The following PRKN variants were observed in gnomAD, a reference collection of about 807,000 sequenced individuals.
PRKN encodes the protein parkin RBR E3 ubiquitin protein ligase.
In PRKN, 56 loss-of-function variants were observed where a neutral mutation model predicts 59.5. The observed-to-expected ratio is 0.94, with a 90% CI of 0.76 to 1.18. The LOEUF (loss-of-function observed/expected upper bound fraction) is 1.18, where lower values mean the gene tolerates loss of function less well. PRKN is among the 50% of genes most tolerant of loss of function. The pLI is 0.00. For synonymous variants in PRKN, 250 were observed against 222.1 expected, an observed-to-expected ratio of 1.13 and a Z score of -1.12; for missense variants, 657 against 596.4, an observed-to-expected ratio of 1.10 and a Z score of -1.06.
At chr6:162,042,744 G>A (rs534805900) in intron 5 of PRKN, among the ~76,000 whole-genome samples, 3 of 152,020 alleles carry the variant, frequency 2.0e-5, no homozygotes, top group African/African-American at 7.3e-5. Context: ...TTCATATATT[G>A]TACATTGTGC....
chr6:162,439,297 T>G (rs961329940), intron 2 of PRKN, among the ~76,000 whole-genome samples: 2 of 151,982 alleles, frequency 1.3e-5, no homozygotes, highest in Admixed American at 6.6e-5. Flanking sequence ...CCTTCCTTCC[T>G]TTCTTCCTTT....
rs548393839 is a variant in PRKN, at chr6:161,374,782, AT to A, written c.1167+12011del. On this transcript the variant is annotated intron_variant, in intron 10 of 11. Coordinates refer to ENST00000366898, the MANE Select transcript of PRKN (RefSeq NM_004562.3). The stretch of plus-strand genomic sequence containing the variant: ...TGTGTAGCTGTGACAATAAGTTTCT[AT>A]AAAAATATTTTCCACATTGCGAACT... 6.6e-5 allele frequency among the ~76,000 whole-genome samples: 8 copies of A among 121,096 alleles called. No homozygotes were observed. The East Asian group carries it at 2.1e-3, about 32-fold the overall frequency. 79.4% of individuals were successfully genotyped at this position (121,096 alleles called of 152,430 possible). A position where few individuals can be genotyped will look rare whatever the true frequency, so the allele number is the denominator to read the frequency against.
At chr6:162,589,880 T>C (rs1781230901) in intron 1 of PRKN, among the ~76,000 whole-genome samples, 1 of 152,208 alleles carries the variant, frequency 6.6e-6, no homozygotes, top group Non-Finnish European at 1.5e-5. Context: ...GTACTTGACA[T>C]TTGTATCTCC....
intron 2 of PRKN, among the ~76,000 whole-genome samples, chr6:162,421,296 C>A (rs1788950453): frequency 6.6e-6 from 1 of 151,936 alleles, no homozygotes; most frequent in African/African-American, 2.4e-5. Context: ...TCACAGCGCC[C>A]TGAAGATCAG....
intron 7 of PRKN, among the ~76,000 whole-genome samples, chr6:161,727,005 C>T (rs61167500): frequency 0.14 from 21,138 of 152,166 alleles, 1,863 homozygotes; most frequent in South Asian, 0.2. Context: ...CCTGACTTCT[C>T]GGTTCCCCTC....
At chr6:162,510,974 A>G (rs1268404017) in intron 1 of PRKN, among the ~76,000 whole-genome samples, 1 of 149,944 alleles carries the variant, frequency 6.7e-6, no homozygotes, top group African/African-American at 2.5e-5. Flanking sequence ...ATATATATAT[A>G]CCCACTGAAC....
Position 161,538,841 on chromosome 6 carries a change from A to G in PRKN, c.1083+10013T>C, listed in dbSNP as rs1484377359. On this transcript the variant is annotated intron_variant, in intron 9 of 11. Coordinates refer to ENST00000366898, the MANE Select transcript of PRKN (RefSeq NM_004562.3). This position sits in a 1 kb window ranked among gnomAD's most constrained non-coding sequence, Gnocchi z 4.2. ...AGCCTTTCCCAGTGGAATGTTGGAC[A>G]AGCGAGAGAAATGCCTGTCACTCTA... Among the ~76,000 whole-genome samples, 1 of 152,202 alleles carries G rather than the reference A, an allele frequency of 6.6e-6. No individual in the cohort carries two copies. The highest frequency in any genetic ancestry group is 1.5e-5 in the Non-Finnish European group (1 of 68,036).
intron 1 of PRKN, among the ~76,000 whole-genome samples, chr6:162,710,414 C>CACACACACACACACACA (rs759309558): frequency 1.3e-5 from 2 of 149,988 alleles, no homozygotes; most frequent in South Asian, 2.1e-4. Flanking sequence ...CACACACACA[C>CACACACACACACACACA]AACTGTTTGG....
At chr6:162,514,004 C>A (rs1777739737) in intron 1 of PRKN, among the ~76,000 whole-genome samples, 1 of 151,850 alleles carries the variant, frequency 6.6e-6, no homozygotes, top group African/African-American at 2.4e-5. Flanking sequence ...CAAGATTGCA[C>A]CACTGCACTC....
chr6:161,666,112 C>T (rs903507787), intron 7 of PRKN, among the ~76,000 whole-genome samples: 6 of 152,152 alleles, frequency 3.9e-5, no homozygotes, highest in East Asian at 1.9e-4. Context: ...TCACTAAGAT[C>T]GAGAATAAAT....
At chr6:161,939,577 CA>C (rs1474055738) in intron 6 of PRKN, among the ~76,000 whole-genome samples, 12 of 151,214 alleles carry the variant, frequency 7.9e-5, no homozygotes, top group Admixed American at 7.3e-4. Context: ...ACCAAAAATA[CA>C]AAAATTAGTC....
Position 161,545,184 on chromosome 6 carries a change from G to A in PRKN, c.1083+3670C>T. On this transcript the variant is annotated intron_variant, in intron 9 of 11. Transcript: ENST00000366898. This position sits in a 1 kb window ranked among gnomAD's most constrained non-coding sequence, Gnocchi z 4.1. ...CATTTCTTGCATACCCACATGGTAA[G>A]AGTTGTACTTTTTCTATCTTGATAA... 1 of 1,368,546 alleles carries A rather than the reference G, an allele frequency of 7.3e-7. No individual in the cohort carries two copies. Among genetic ancestry groups the A allele is most frequent in the Non-Finnish European group, 9.4e-7 (1 of 1,063,236 alleles). The allele number at this position is 1,368,546 out of a possible 1,614,324, so 84.8% of individuals were successfully genotyped here.
intron 1 of PRKN, among the ~76,000 whole-genome samples, chr6:162,532,054 G>A (rs35509683): frequency 0.35 from 53,186 of 151,176 alleles, 11,120 homozygotes; most frequent in Middle Eastern, 0.52. Context: ...GGTTCTTAGC[G>A]TCAACCACAT....
intron 1 of PRKN, among the ~76,000 whole-genome samples, chr6:162,490,010 A>G (rs1159638192): frequency 6.6e-6 from 1 of 152,234 alleles, no homozygotes; most frequent in Non-Finnish European, 1.5e-5. Flanking sequence ...GCATCCTCAA[A>G]GCAACTAAAT....
intron 6 of PRKN, among the ~76,000 whole-genome samples, chr6:161,905,565 C>T (rs1203430883): frequency 2.6e-5 from 4 of 152,116 alleles, no homozygotes; most frequent in Non-Finnish European, 5.9e-5. Flanking sequence ...TAAGTTGACT[C>T]CTTCCTTTTC....
chr6:161,825,436 C>T (rs1233063966), intron 6 of PRKN, among the ~76,000 whole-genome samples: 5 of 152,118 alleles, frequency 3.3e-5, no homozygotes, highest in Non-Finnish European at 7.3e-5. Flanking sequence ...TCCTCAGGAC[C>T]CCTTGGCCTC....
chr6:162,269,316 CCT>C (rs1780272111), intron 2 of PRKN, among the ~76,000 whole-genome samples: 1 of 152,170 alleles, frequency 6.6e-6, no homozygotes, highest in South Asian at 2.1e-4. Context: ...AACACACTCC[CCT>C]GTGTCTACTG....
intron 4 of PRKN, among the ~76,000 whole-genome samples, chr6:162,129,480 C>T (rs1781255216): frequency 6.6e-6 from 1 of 152,032 alleles, no homozygotes. Flanking sequence ...GGAATAAGTG[C>T]TGTAAATTTT....
chr6:162,398,236 C>G (rs1787574016), intron 2 of PRKN, among the ~76,000 whole-genome samples: 1 of 152,044 alleles, frequency 6.6e-6, no homozygotes, highest in Admixed American at 6.6e-5. Context: ...CATTTCCTAA[C>G]TAACATCTGG....
Sources: gnomAD v4.1 joint callset for allele counts (sites outside exome capture counted in the v4.1 genomes callset) on GRCh38, gnomAD v4.1.1 for gene constraint, Gnocchi (gnomAD v3.1) non-coding constraint, MANE v1.5 for transcripts, NCBI Gene and HGNC (gene_info 2026-07-23, HGNC 2026-07-21) for gene names.